The following TMPRSS13 variants were observed in gnomAD, a reference collection of about 807,000 sequenced individuals.
TMPRSS13 encodes the protein transmembrane protease serine 13.
In TMPRSS13, 50 loss-of-function variants were observed where a neutral mutation model predicts 68.4. The observed-to-expected ratio is 0.73, with a 90% CI of 0.58 to 0.93. The LOEUF is 0.93. Ranked by LOEUF, TMPRSS13 falls within the 40% of genes least tolerant of loss-of-function variation. The probability of loss-of-function intolerance (pLI) is 0.00; values close to 1 mark genes in which losing one functional copy is unlikely to be tolerated. For synonymous variants in TMPRSS13, 267 were observed against 285.8 expected, an observed-to-expected ratio of 0.93 and a Z score of 0.66; for missense variants, 615 against 729.2, an observed-to-expected ratio of 0.84 and a Z score of 1.80.
Position 117,922,520 on chromosome 11 carries a change from G to A in TMPRSS13, c.22-3682C>T, listed in dbSNP as rs574453520. Reference sequence around the variant, plus strand: ...TGGGATTACAGGCGTGAGCCACCGCGCCCAGCCGAGACTTCTTATCCAAGG... The same window carrying A: ...TGGGATTACAGGCGTGAGCCACCGCACCCAGCCGAGACTTCTTATCCAAGG... On this transcript the variant is annotated intron_variant, in intron 1 of 12. Coordinates refer to ENST00000524993, the MANE Select transcript of TMPRSS13 (RefSeq NM_001077263.3). This position sits in a 1 kb window ranked among gnomAD's most constrained non-coding sequence, Gnocchi z 4.2. Among the ~76,000 whole-genome samples, 159 of 152,244 alleles carry A rather than the reference G, an allele frequency of 1.0e-3. No homozygotes were observed. Among genetic ancestry groups the A allele is most frequent in the Non-Finnish European group, 1.6e-3 (107 of 68,004 alleles).
In TMPRSS13 at chr11:117,911,655, C is replaced by T. The variant is rs948425379; in HGVS notation, c.902+113G>A. On this transcript the variant is annotated intron_variant, in intron 6 of 12. Coordinates refer to ENST00000524993, the MANE Select transcript of TMPRSS13 (RefSeq NM_001077263.3). ...TGCCCCTGAACACTCATGGTGGACT[C>T]CTGGAGGCTGGATACTAGAAAAGCC... 23 of 771,376 alleles carry T rather than the reference C, an allele frequency of 3.0e-5. 1 individual carries two copies. Among genetic ancestry groups the T allele is most frequent in the East Asian group, 1.3e-4 (5 of 37,882 alleles). 47.8% of individuals were successfully genotyped at this position (771,376 alleles called of 1,614,324 possible).
rs1480573177 is a variant in TMPRSS13, at chr11:117,917,279, G to A, written c.452-5C>T. 11 of 1,609,634 alleles carry A rather than the reference G, an allele frequency of 6.8e-6. No individual in the cohort carries two copies. The highest frequency in any genetic ancestry group is 1.6e-4 in the Middle Eastern group (1 of 6,062). On this transcript the variant is annotated splice_polypyrimidine_tract_variant and splice_region_variant and intron_variant, in intron 2 of 12. Coordinates refer to ENST00000524993, the MANE Select transcript of TMPRSS13 (RefSeq NM_001077263.3). ...TGAACTTGGGCAGGCTCGTACCTAGGAGCAGGGCGGCAGCAGGGGAATATG... is the reference window on the plus strand; with the variant it reads ...TGAACTTGGGCAGGCTCGTACCTAGAAGCAGGGCGGCAGCAGGGGAATATG...
chr11:117,908,060 T>C (rs2057481573), intron 9 of TMPRSS13: 1 of 1,017,486 alleles, frequency 9.8e-7, no homozygotes, highest in South Asian at 4.5e-5. Context: ...AGTTCTCGAC[T>C]GCAGGGTAAG....
At position 117,918,824 on chromosome 11, in the gene TMPRSS13, T is replaced by G. The variant is rs74585113; in HGVS notation, c.36A>C (p.Ala12=). Residue 12 remains alanine, a synonymous_variant, in exon 2 of 13, where the codon GCA becomes GCC. Coordinates refer to ENST00000524993, the MANE Select transcript of TMPRSS13 (RefSeq NM_001077263.3). ...ERDSHGNASP[A]RTPSAGASPA... is the part of the protein sequence containing the mutation. ...GAGATGCTCCAGCTGAAGGTGTTCT[T>G]GCTGGAGATGCATTCTGAAAGCAGA... 2.5e-6 allele frequency: 4 copies of G among 1,613,558 alleles called. No individual in the cohort carries two copies. In the East Asian group the frequency reaches 8.9e-5, roughly 36 times the overall value.
intron 3 of TMPRSS13, among the ~76,000 whole-genome samples, chr11:117,916,184 C>T (rs117268885): frequency 0.028 from 4,256 of 152,314 alleles, 71 homozygotes; most frequent in Non-Finnish European, 0.043. Flanking sequence ...GTTTAAAGCT[C>T]TCTACAGCAT....
At chr11:117,926,731 CA>C (rs1477946121) in intron 1 of TMPRSS13, among the ~76,000 whole-genome samples, 1 of 152,174 alleles carries the variant, frequency 6.6e-6, no homozygotes, top group Non-Finnish European at 1.5e-5. Context: ...AAAGGAGCCT[CA>C]GGGGGGAATG....
Position 117,901,991 on chromosome 11 carries a change from A to C in TMPRSS13, c.*248T>G. The C allele has an allele frequency of 8.6e-6, 5 of 578,602 alleles. No homozygotes were observed. The highest frequency in any genetic ancestry group is 6.0e-5 in the East Asian group (2 of 33,528). The allele number at this position is 578,602 out of a possible 1,614,324, so 35.8% of individuals were successfully genotyped here. The stretch of plus-strand genomic sequence containing the variant: ...GGTACTCAACTCTTGTCTCCAGGTA[A>C]TTTCCAGCCTGGGATTTTGAGAAGA... On this transcript the variant is annotated 3_prime_UTR_variant, in exon 13 of 13. Coordinates refer to ENST00000524993, the MANE Select transcript of TMPRSS13 (RefSeq NM_001077263.3).
intron 1 of TMPRSS13, among the ~76,000 whole-genome samples, chr11:117,920,793 C>T (rs1391734813): frequency 2.0e-5 from 3 of 152,028 alleles, no homozygotes; most frequent in Non-Finnish European, 4.4e-5. Context: ...CACACCCAGC[C>T]GATAGTGGGG....
rs150508839 is a variant in TMPRSS13, at chr11:117,901,921, C to T, written c.*318G>A. 104 of 408,880 alleles carry T rather than the reference C, an allele frequency of 2.5e-4. 1 individual carries two copies. Among genetic ancestry groups the T allele is most frequent in the African/African-American group, 2.0e-3 (98 of 49,952 alleles). The allele number at this position is 408,880 out of a possible 1,614,324, so 25.3% of individuals were successfully genotyped here. A position where few individuals can be genotyped will look rare whatever the true frequency, so the allele number is the denominator to read the frequency against. ...CCAGCTCTTCCTTGGGCTCTGGGCT[C>T]CACCTCCTCCATCCATCTATGGACA... is the stretch of plus-strand genomic sequence containing the variant. On this transcript the variant is annotated 3_prime_UTR_variant, in exon 13 of 13. Transcript: ENST00000524993.
At chr11:117,904,210 G>C in intron 10 of TMPRSS13, 109 bp from the exon 11 acceptor site, 1 of 1,424,190 alleles carries the variant, frequency 7.0e-7, no homozygotes, top group Non-Finnish European at 9.4e-7. Flanking sequence ...CAGCCTCCTG[G>C]GAATGGAGGG....
intron 1 of TMPRSS13, among the ~76,000 whole-genome samples, chr11:117,924,768 C>G (rs1041755061): frequency 1.3e-5 from 2 of 152,114 alleles, no homozygotes; most frequent in Admixed American, 1.3e-4. Context: ...CTTTCCTACT[C>G]TCCCCCTCCC....
chr11:117,911,928 G>C (rs2057527424), intron 5 of TMPRSS13, 68 bp from the exon 6 acceptor site: 1 of 1,329,556 alleles, frequency 7.5e-7, no homozygotes, highest in Non-Finnish European at 1.1e-6. Context: ...CCTCCAGCAG[G>C]CTAGAGCCCC....
In TMPRSS13 at chr11:117,913,840, A is replaced by G; in HGVS notation, c.746T>C (p.Ile249Thr). The G allele has an allele frequency of 6.2e-7, 1 of 1,614,084 alleles. No homozygotes were observed. The highest frequency in any genetic ancestry group is 8.5e-7 in the Non-Finnish European group (1 of 1,179,986). ...GGAGTCATTCCAGTTGCTGCTACAG[A>G]TGGGAAGCCACTGATGGGAGGACCC... ...YSGSSHQWLP[I>T]CSSNWNDSYS... Residue 249 changes from isoleucine (I) to threonine (T), a missense_variant, in exon 5 of 13, where the codon ATC becomes ACC. Transcript: ENST00000524993.
chr11:117,903,226 A>G, intron 12 of TMPRSS13: 13 of 1,341,588 alleles, frequency 9.7e-6, no homozygotes, highest in Non-Finnish European at 1.3e-5. Flanking sequence ...ACAACAACAA[A>G]AAGAAAATCA....
At chr11:117,919,651 C>T (rs544502564) in intron 1 of TMPRSS13, among the ~76,000 whole-genome samples, 14 of 152,390 alleles carry the variant, frequency 9.2e-5, no homozygotes, top group Non-Finnish European at 1.5e-4. Context: ...ACTAATCACT[C>T]GTGTGTGTAC....
chr11:117,917,303 TGAGGCTGGAGAG>T (rs1565351139), intron 2 of TMPRSS13, 29 bp from the exon 3 acceptor site: 2 of 1,583,006 alleles, frequency 1.3e-6, no homozygotes, highest in Non-Finnish European at 1.7e-6. Flanking sequence ...CAGGGGAATA[TGAGGCTGGAGAG>T]GAGTCCGACG....
In TMPRSS13 at chr11:117,914,860, C is replaced by T. The variant is rs2057560004; in HGVS notation, c.557-346G>A. Reference sequence around the variant, plus strand: ...TAGTGGCCAGAGAAACCACCTCCTCCAGTATCCCAGAGCTTCCCTCTCAGA... The same window carrying T: ...TAGTGGCCAGAGAAACCACCTCCTCTAGTATCCCAGAGCTTCCCTCTCAGA... On this transcript the variant is annotated intron_variant, in intron 3 of 12. Coordinates refer to ENST00000524993, the MANE Select transcript of TMPRSS13 (RefSeq NM_001077263.3). The surrounding 1 kb of genome is among the most constrained non-coding windows in gnomAD (Gnocchi z 4.2). Among the ~76,000 whole-genome samples, 1 of 152,166 alleles carries T rather than the reference C, an allele frequency of 6.6e-6. No individual in the cohort carries two copies. Among genetic ancestry groups the T allele is most frequent in the Non-Finnish European group, 1.5e-5 (1 of 68,028 alleles).
rs778704070 is a variant in TMPRSS13, at chr11:117,905,788, T to A, written c.1283-52A>T. 9.7e-6 allele frequency: 14 copies of A among 1,446,958 alleles called. No individual in the cohort carries two copies. The Admixed American group carries it at 1.4e-4, about 14-fold the overall frequency. 89.6% of individuals were successfully genotyped at this position (1,446,958 alleles called of 1,614,324 possible). On this transcript the variant is annotated intron_variant, in intron 9 of 12. Coordinates refer to ENST00000524993, the MANE Select transcript of TMPRSS13 (RefSeq NM_001077263.3). ...GAAGGAACAAGGCTGAGACTTTCAG[T>A]AGGGGGAGGGAGAAGGAGCACAACC...
At chr11:117,920,354 T>C (rs1404599104) in intron 1 of TMPRSS13, among the ~76,000 whole-genome samples, 1 of 147,754 alleles carries the variant, frequency 6.8e-6, no homozygotes, top group South Asian at 2.2e-4. Flanking sequence ...TTTGCTCGTT[T>C]GTTTTTTTGA....
Sources: gnomAD v4.1 joint callset for allele counts (sites outside exome capture counted in the v4.1 genomes callset) on GRCh38, gnomAD v4.1.1 for gene constraint, Gnocchi (gnomAD v3.1) non-coding constraint, MANE v1.5 for transcripts, NCBI Gene and HGNC (gene_info 2026-07-23, HGNC 2026-07-21) for gene names.